Variants in GAP43 observed in about 807,000 individuals in gnomAD.
GAP43 encodes the protein neuromodulin.
A neutral mutation model predicts 18.6 loss-of-function variants in GAP43; 6 were observed. The observed-to-expected ratio is 0.32, with a 90% CI of 0.18 to 0.64. The LOEUF (loss-of-function observed/expected upper bound fraction) is 0.64. Among genes scored for constraint, GAP43 ranks in the 30% least tolerant of loss-of-function variants. GAP43 has a pLI of 0.78. For missense variants in GAP43, 292 were observed against 295.5 expected, an observed-to-expected ratio of 0.99 and a Z score of 0.09; for synonymous variants, 115 against 111.4, an observed-to-expected ratio of 1.03 and a Z score of -0.20.
At chr3:115,673,513 TG>T (rs1708839785) in intron 1 of GAP43, among the ~76,000 whole-genome samples, 1 of 152,236 alleles carries the variant, frequency 6.6e-6, no homozygotes, top group Non-Finnish European at 1.5e-5. Context: ...AAGAACCAGT[TG>T]GCATCAATGC....
chr3:115,676,084 C>A lies in GAP43; in HGVS notation c.102C>A (p.Ala34=). The A allele has an allele frequency of 6.2e-7, 1 of 1,614,024 alleles. No homozygotes were observed. Among genetic ancestry groups the A allele is most frequent in the East Asian group, 2.2e-5 (1 of 44,866 alleles). Reference sequence around the variant, plus strand: ...AACCAGAAGATAAAGCTCATAAGGCCGCAACCAAAATTCAGGCTAGCTTCC... The same window carrying A: ...AACCAGAAGATAAAGCTCATAAGGCAGCAACCAAAATTCAGGCTAGCTTCC... The part of the protein sequence containing the change: ...GIKPEDKAHK[A]ATKIQASFRG... The change falls in exon 2 of 3, where the codon GCC becomes GCA. Residue 34 remains alanine, a synonymous_variant. Transcript: ENST00000305124.
chr3:115,655,486 TG>T (rs1012369745), intron 1 of GAP43, among the ~76,000 whole-genome samples: 1 of 152,220 alleles, frequency 6.6e-6, no homozygotes, highest in African/African-American at 2.4e-5. Context: ...TGAACAGGTC[TG>T]TTATTACAAA....
intron 1 of GAP43, among the ~76,000 whole-genome samples, chr3:115,636,765 C>T (rs1350587276): frequency 7.2e-5 from 11 of 151,960 alleles, no homozygotes; most frequent in Non-Finnish European, 1.5e-5. Flanking sequence ...TACCAATTTC[C>T]TATTCTTGTC....
chr3:115,699,608 T>C (rs1289660619), intron 2 of GAP43, among the ~76,000 whole-genome samples: 1 of 152,122 alleles, frequency 6.6e-6, no homozygotes, highest in Non-Finnish European at 1.5e-5. Flanking sequence ...CTGAATGGAG[T>C]TTCCTTTTGA....
intron 1 of GAP43, among the ~76,000 whole-genome samples, chr3:115,636,235 C>T (rs992184032): frequency 1.3e-5 from 2 of 152,080 alleles, no homozygotes; most frequent in African/African-American, 4.8e-5. Flanking sequence ...ACTTTCTACT[C>T]CCCTACTCTT....
chr3:115,698,281 A>AT (rs1343739695), intron 2 of GAP43, among the ~76,000 whole-genome samples: 10 of 2,032 alleles, frequency 4.9e-3, no homozygotes, highest in Non-Finnish European at 0.014. Context: ...TATTATATAT[A>AT]AATATAATAT....
intron 1 of GAP43, among the ~76,000 whole-genome samples, chr3:115,648,119 C>T (rs2028248): frequency 0.56 from 85,792 of 151,910 alleles, 25,243 homozygotes; most frequent in Admixed American, 0.65. Context: ...GGCTGTATGA[C>T]AGTGTGACAA....
rs549128955 is a variant in GAP43, at chr3:115,672,732, CCCTCT to C, written c.31-3247_31-3243del. 2.4e-3 allele frequency among the ~76,000 whole-genome samples: 253 copies of C among 107,560 alleles called. 5 individuals are homozygous for C. Among genetic ancestry groups the C allele is most frequent in the South Asian group, 7.1e-3 (22 of 3,090 alleles). 70.6% of individuals were successfully genotyped at this position (107,560 alleles called of 152,430 possible). ...TCATTTCTTCATCTCCTTCCCACATCCCTCTCCTCTCCTCTCCTCTCCTCTCCTCT... is the reference window on the plus strand; with the variant it reads ...TCATTTCTTCATCTCCTTCCCACATCCCTCTCCTCTCCTCTCCTCTCCTCT... On this transcript the variant is annotated intron_variant, in intron 1 of 2. Coordinates refer to ENST00000305124, the MANE Select transcript of GAP43 (RefSeq NM_002045.4).
intron 2 of GAP43, among the ~76,000 whole-genome samples, chr3:115,701,863 T>C (rs1191317589): frequency 6.6e-6 from 1 of 152,160 alleles, no homozygotes; most frequent in Non-Finnish European, 1.5e-5. Flanking sequence ...CTAGATTCAA[T>C]TCTCTTTGAG....
chr3:115,676,502 G>T lies in GAP43; in HGVS notation c.520G>T (p.Val174Phe). 6.2e-7 allele frequency: 1 copy of T among 1,613,980 alleles called. No homozygotes were observed. Among genetic ancestry groups the T allele is most frequent in the South Asian group, 1.1e-5 (1 of 91,070 alleles). The change falls in exon 2 of 3, where the codon GTC (valine) becomes TTC (phenylalanine). Residue 174 changes from valine (V) to phenylalanine (F), a missense_variant. Transcript: ENST00000305124. ...TAAACAAGCCGATGTGCCTGCTGCT[G>T]TCACTGCTGCTGCTGCCACCACCCC... ...EPKQADVPAAVTAAAATTPAA... is the reference protein window; with the variant it reads ...EPKQADVPAAFTAAAATTPAA...
rs1214189037 is a variant in GAP43 at position 115,663,857 on chromosome 3, C to G, written c.31-12156C>G. ...CCTGGGAGGCTTGAGGAAAAATCTT[C>G]AGAGAGCAGTTCGACCTAGTCCTTA... On this transcript the variant is annotated intron_variant, in intron 1 of 2. Coordinates refer to ENST00000305124, the MANE Select transcript of GAP43 (RefSeq NM_002045.4). 3.2e-6 allele frequency: 5 copies of G among 1,552,094 alleles called. No individual in the cohort carries two copies. The East Asian group carries it at 1.2e-4, about 38-fold the overall frequency.
intron 2 of GAP43, among the ~76,000 whole-genome samples, chr3:115,691,842 T>C (rs1709119138): frequency 6.6e-6 from 1 of 152,168 alleles, no homozygotes; most frequent in African/African-American, 2.4e-5. Flanking sequence ...ATGTAATTTG[T>C]CCCTCAGAAA....
In GAP43 at chr3:115,677,781, A is replaced by T. The variant is rs77554196; in HGVS notation, c.628+1171A>T. 4.6e-3 allele frequency among the ~76,000 whole-genome samples: 697 copies of T among 152,302 alleles called. 5 individuals are homozygous for T. Among genetic ancestry groups the T allele is most frequent in the African/African-American group, 0.014 (598 of 41,568 alleles). On this transcript the variant is annotated intron_variant, in intron 2 of 2. Coordinates refer to ENST00000305124, the MANE Select transcript of GAP43 (RefSeq NM_002045.4). The stretch of plus-strand genomic sequence containing the variant: ...CTTGGGAGAAAACCTACTCCATGAG[A>T]GTGGTCTGAGGAATGTTTTGGCATC...
chr3:115,683,323 ATAG>A (rs1559800517), intron 2 of GAP43, among the ~76,000 whole-genome samples: 1 of 152,108 alleles, frequency 6.6e-6, no homozygotes, highest in Non-Finnish European at 1.5e-5. Context: ...GATGGGGTTG[ATAG>A]TAGAGAAGTT....
At chr3:115,698,042 A>G (rs1445418090) in intron 2 of GAP43, among the ~76,000 whole-genome samples, 3 of 70,710 alleles carry the variant, frequency 4.2e-5, no homozygotes, top group South Asian at 3.8e-4. Flanking sequence ...TAAAATATAT[A>G]TTATATATTA....
chr3:115,691,307 T>A lies in GAP43; in HGVS notation c.628+14697T>A, dbSNP rs28399401. On this transcript the variant is annotated intron_variant, in intron 2 of 2. Coordinates refer to ENST00000305124, the MANE Select transcript of GAP43 (RefSeq NM_002045.4). ...ACATGAATTTAGCCAAATCTCTTGC[T>A]TGGAGGCCTGCAGTGGAGGAGAAAT... Among the ~76,000 whole-genome samples, 102 of 152,320 alleles carry A rather than the reference T, an allele frequency of 6.7e-4. No individual in the cohort carries two copies. In the Middle Eastern group the frequency reaches 0.027, roughly 41 times the overall value.
chr3:115,664,337 G>T (rs1382728352), intron 1 of GAP43, among the ~76,000 whole-genome samples: 1 of 151,832 alleles, frequency 6.6e-6, no homozygotes. Context: ...AGCTATAAAA[G>T]AAAACTATAA....
chr3:115,677,875 T>C (rs894349278), intron 2 of GAP43, among the ~76,000 whole-genome samples: 3 of 152,244 alleles, frequency 2.0e-5, no homozygotes, highest in Non-Finnish European at 4.4e-5. Context: ...AATCAGATAC[T>C]ACAATATGGT....
intron 2 of GAP43, among the ~76,000 whole-genome samples, chr3:115,681,496 C>G (rs1219117865): frequency 1.3e-5 from 2 of 152,092 alleles, no homozygotes; most frequent in Non-Finnish European, 2.9e-5. Flanking sequence ...GTCCTACCTG[C>G]CTTGTAATAT....
Sources: gnomAD v4.1 joint callset for allele counts (sites outside exome capture counted in the v4.1 genomes callset) on GRCh38, gnomAD v4.1.1 for gene constraint, MANE v1.5 for transcripts, NCBI Gene and HGNC (gene_info 2026-07-23, HGNC 2026-07-21) for gene names.